The following EIF2AK4 variants were observed in gnomAD, a reference collection of about 807,000 sequenced individuals.
The protein encoded by EIF2AK4 is eukaryotic translation initiation factor 2 alpha kinase 4, also known as eIF-2-alpha kinase GCN2.
A neutral mutation model predicts 211.1 loss-of-function variants in EIF2AK4; 139 were observed. That is an observed-to-expected ratio of 0.66 (90% CI 0.57 to 0.76). The LOEUF (loss-of-function observed/expected upper bound fraction) is 0.76. Among genes scored for constraint, EIF2AK4 ranks in the 30% least tolerant of loss-of-function variants. The pLI, the probability that EIF2AK4 is intolerant of heterozygous loss-of-function variation, is 0.00. For missense variants in EIF2AK4, 1,664 were observed against 2,043.8 expected (o/e 0.81, Z 3.58); for synonymous variants, 710 against 751.3 (o/e 0.94, Z 0.90).
At chr15:40,002,147 G>C (rs2035101543) in intron 21 of EIF2AK4, among the ~76,000 whole-genome samples, 1 of 152,096 alleles carries the variant, frequency 6.6e-6, no homozygotes, top group South Asian at 2.1e-4. Context: ...ATTTTTACTG[G>C]CTGGCAATAT....
intron 4 of EIF2AK4, chr15:39,951,351 C>T (rs2034309500): frequency 4.8e-6 from 1 of 206,272 alleles, no homozygotes; most frequent in South Asian, 5.5e-5. Context: ...CCACCACGCC[C>T]GACCCACAGT....
At chr15:39,958,866 C>T (rs2034428326) in intron 6 of EIF2AK4, among the ~76,000 whole-genome samples, 1 of 151,914 alleles carries the variant, frequency 6.6e-6, no homozygotes, top group Admixed American at 6.6e-5. Flanking sequence ...CTAGTCCCCA[C>T]TTGAAAAATT....
rs74011718 is a variant in EIF2AK4, at chr15:39,955,077, C to A, written c.595-543C>A. 6.6e-3 allele frequency among the ~76,000 whole-genome samples: 999 copies of A among 152,332 alleles called. 12 individuals are homozygous for A. The highest frequency in any genetic ancestry group is 0.022 in the African/African-American group (907 of 41,572). On this transcript the variant is annotated intron_variant, in intron 5 of 38. Transcript: ENST00000263791. ...ATGTAAGATGAGATCCCTGTTTCCA[C>A]CAGTGCTCCTGTCTTGCTCCTGACC...
At chr15:40,032,311 GCTT>G (rs1255967876) in intron 36 of EIF2AK4, 74 bp downstream of exon 36, 10 of 1,363,150 alleles carry the variant, frequency 7.3e-6, no homozygotes, top group Non-Finnish European at 1.0e-5. Context: ...AGGGTTCAGA[GCTT>G]TTTTGCTCAG....
intron 14 of EIF2AK4, among the ~76,000 whole-genome samples, chr15:39,987,210 A>T (rs2034877849): frequency 6.6e-6 from 1 of 152,184 alleles, no homozygotes; most frequent in Non-Finnish European, 1.5e-5. Context: ...GAAGTACACA[A>T]AGGAGGTGCA....
rs1294070436 is a variant in EIF2AK4, at chr15:40,035,176, A to G, written c.*92A>G. On this transcript the variant is annotated 3_prime_UTR_variant, in exon 39 of 39. Transcript: ENST00000263791. ...TACATTCATCATAATTTAAAATTAA[A>G]TTCTAAGAAGAGGCTGGGTGCAGTG... is the stretch of plus-strand genomic sequence containing the variant. The G allele has an allele frequency of 5.4e-6, 6 of 1,103,336 alleles. No homozygotes were observed. Among genetic ancestry groups the G allele is most frequent in the Non-Finnish European group, 5.0e-6 (4 of 804,796 alleles). The allele number at this position is 1,103,336 out of a possible 1,614,324, so 68.3% of individuals were successfully genotyped here. A position where few individuals can be genotyped will look rare whatever the true frequency, so the allele number is the denominator to read the frequency against.
intron 30 of EIF2AK4, 160 bp from the exon 31 acceptor site, chr15:40,020,739 C>A (rs1460119314): frequency 1.3e-3 from 405 of 317,330 alleles, no homozygotes; most frequent in Non-Finnish European, 1.6e-3. Context: ...TTTTTTTTTA[C>A]AATGTGTTTT....
rs1447688191 is a variant in EIF2AK4, at chr15:39,967,597, A to G, written c.1271A>G (p.Lys424Arg). Residue 424 changes from lysine (K) to arginine (R), a missense_variant, in exon 9 of 39, where the codon AAG (lysine) becomes AGG (arginine). Around this residue, in one of 7 missense-constraint regions of EIF2AK4, gnomAD observed 641 missense variants for 729.6 expected, o/e 0.88. Coordinates refer to ENST00000263791, the MANE Select transcript of EIF2AK4 (RefSeq NM_001013703.4). ...CTGCACAGCAATTCTGTGGTGCATA[A>G]GGTCCTGAGTGCATCTAATGTCTTG... ...DYLHSNSVVHKVLSASNVLVD... is the reference protein window; with the variant it reads ...DYLHSNSVVHRVLSASNVLVD... 1 of 1,614,040 alleles carries G rather than the reference A, an allele frequency of 6.2e-7. No homozygotes were observed. Among genetic ancestry groups the G allele is most frequent in the Non-Finnish European group, 8.5e-7 (1 of 1,179,984 alleles).
At chr15:40,013,125 T>TA (rs906361409) in intron 27 of EIF2AK4, among the ~76,000 whole-genome samples, 9 of 152,170 alleles carry the variant, frequency 5.9e-5, no homozygotes, top group African/African-American at 1.9e-4. Flanking sequence ...TTTATTTTCT[T>TA]AAAAAAATAT....
At chr15:39,950,791 C>T (rs2140903171) in intron 4 of EIF2AK4, among the ~76,000 whole-genome samples, 1 of 152,210 alleles carries the variant, frequency 6.6e-6, no homozygotes, top group Non-Finnish European at 1.5e-5. Context: ...AGGACATCAG[C>T]ACATTACCCA....
intron 8 of EIF2AK4, 27 bp downstream of exon 8, chr15:39,965,870 C>A: frequency 6.2e-7 from 1 of 1,611,694 alleles, no homozygotes. Flanking sequence ...GCTGACTGAG[C>A]AAAAGGCCTA....
chr15:39,940,477 T>C (rs2034129688), intron 2 of EIF2AK4, among the ~76,000 whole-genome samples: 1 of 152,124 alleles, frequency 6.6e-6, no homozygotes, highest in Admixed American at 6.5e-5. Context: ...TAAGAAGTGA[T>C]AGGGAGGATA....
At chr15:39,967,311 CA>C (rs1307852386) in intron 8 of EIF2AK4, 32 bp from the exon 9 acceptor site, 2 of 1,495,220 alleles carry the variant, frequency 1.3e-6, no homozygotes, top group Non-Finnish European at 1.8e-6. Context: ...TTGACTGGCC[CA>C]ATATTCTTTT....
chr15:40,005,583 T>A (rs2035149599), intron 23 of EIF2AK4, among the ~76,000 whole-genome samples: 5 of 151,868 alleles, frequency 3.3e-5, no homozygotes, highest in African/African-American at 9.7e-5. Context: ...GTTTTATTTT[T>A]TTTTTTGAGA....
intron 8 of EIF2AK4, 71 bp downstream of exon 8, chr15:39,965,914 G>C: frequency 6.4e-7 from 1 of 1,570,660 alleles, no homozygotes; most frequent in Non-Finnish European, 8.6e-7. Flanking sequence ...GAACAAAATA[G>C]CCCTGCATTT....
chr15:39,954,712 C>G (rs2034366222), intron 5 of EIF2AK4, among the ~76,000 whole-genome samples: 1 of 152,116 alleles, frequency 6.6e-6, no homozygotes, highest in Non-Finnish European at 1.5e-5. Flanking sequence ...GTGCTTTTTC[C>G]TTTATTTTTC....
intron 14 of EIF2AK4, among the ~76,000 whole-genome samples, chr15:39,987,086 G>A (rs78132124): frequency 0.01 from 1,575 of 152,244 alleles, 31 homozygotes; most frequent in African/African-American, 0.037. Flanking sequence ...TAGGTATTCC[G>A]TAACATAAAT....
intron 19 of EIF2AK4, among the ~76,000 whole-genome samples, chr15:39,997,741 G>A (rs1457464647): frequency 6.6e-6 from 1 of 152,164 alleles, no homozygotes; most frequent in African/African-American, 2.4e-5. Flanking sequence ...ATTAATCCTT[G>A]CCTCATTTAC....
At chr15:39,954,119 T>C in intron 5 of EIF2AK4, 135 bp downstream of exon 5, 1 of 792,906 alleles carries the variant, frequency 1.3e-6, no homozygotes, top group Non-Finnish European at 1.8e-6. Flanking sequence ...ATTCACTGTG[T>C]ATTTCAGACT....
Sources: allele counts gnomAD v4.1 joint callset (sites outside exome capture counted in the v4.1 genomes callset), GRCh38; gene constraint gnomAD v4.1.1; regional missense constraint gnomAD v4.1.1; transcripts MANE v1.5; gene names NCBI Gene and HGNC (gene_info 2026-07-23, HGNC 2026-07-21).